SLC1A2: variants seen among roughly 807,000 people sequenced by gnomAD.
SLC1A2 encodes excitatory amino acid transporter 2.
In SLC1A2, 15 loss-of-function variants were observed where a neutral mutation model predicts 48.8. The ratio of observed to expected loss-of-function variants is 0.31; its 90% CI spans 0.21 to 0.47. SLC1A2 has a LOEUF of 0.47. Among genes scored for constraint, SLC1A2 ranks in the 20% least tolerant of loss-of-function variants. The pLI is 0.99. For synonymous variants in SLC1A2, 279 were observed against 272.6 expected, an observed-to-expected ratio of 1.02 and a Z score of -0.23; for missense variants, 502 against 730.5, an observed-to-expected ratio of 0.69 and a Z score of 3.61.
In SLC1A2 at chr11:35,329,668, T is replaced by A. The variant is rs145638299; in HGVS notation, c.18-12152A>T. On this transcript the variant is annotated intron_variant, in intron 1 of 10. Coordinates refer to ENST00000278379, the MANE Select transcript of SLC1A2 (RefSeq NM_004171.4). The stretch of plus-strand genomic sequence containing the variant: ...TTTTGCAAAAGCACCCAGATGACAC[T>A]GTTGCAGCTAATCCACATACCAATG... Among the ~76,000 whole-genome samples, 13 of 152,328 alleles carry A rather than the reference T, an allele frequency of 8.5e-5. No individual in the cohort carries two copies. In the East Asian group the frequency reaches 2.5e-3, roughly 29 times the overall value.
intron 1 of SLC1A2, among the ~76,000 whole-genome samples, chr11:35,415,194 C>G (rs528878288): frequency 1.3e-5 from 2 of 152,118 alleles, no homozygotes; most frequent in Non-Finnish European, 2.9e-5. Context: ...AAAGCCAAAG[C>G]CAAAGGAGAC....
intron 8 of SLC1A2, among the ~76,000 whole-genome samples, chr11:35,284,087 T>TTTTATATATATATATATATATATATATA (rs1554993896): frequency 2.0e-4 from 23 of 115,852 alleles, no homozygotes; most frequent in Non-Finnish European, 1.9e-4. Context: ...GAAGATTTTA[T>TTTTATATATATATATATATATATATATA]TATATATATA....
chr11:35,409,365 C>T (rs577854941), intron 1 of SLC1A2, among the ~76,000 whole-genome samples: 1 of 152,314 alleles, frequency 6.6e-6, no homozygotes, highest in African/African-American at 2.4e-5. Context: ...AAAATGGCTG[C>T]TGTCAACACT....
intron 10 of SLC1A2, among the ~76,000 whole-genome samples, chr11:35,261,271 A>G (rs1435894163): frequency 1.3e-5 from 2 of 152,202 alleles, no homozygotes; most frequent in African/African-American, 4.8e-5. Flanking sequence ...ATCACACAAT[A>G]ACACAGTCCT....
intron 1 of SLC1A2, among the ~76,000 whole-genome samples, chr11:35,339,754 T>C (rs536305254): frequency 6.6e-6 from 1 of 152,276 alleles, no homozygotes; most frequent in South Asian, 2.1e-4. Flanking sequence ...TAATTGTATA[T>C]ATAGAGATTA....
At chr11:35,406,202 C>A (rs1244040033) in intron 1 of SLC1A2, among the ~76,000 whole-genome samples, 1 of 152,156 alleles carries the variant, frequency 6.6e-6, no homozygotes, top group African/African-American at 2.4e-5. Context: ...TTCTGAGAAG[C>A]CTTCCCTCCT....
intron 6 of SLC1A2, among the ~76,000 whole-genome samples, chr11:35,295,118 G>T (rs781017564): frequency 1.6e-4 from 24 of 152,114 alleles, no homozygotes; most frequent in Admixed American, 3.3e-4. Flanking sequence ...CACCATCATT[G>T]CTTGCTGTAA....
intron 1 of SLC1A2, among the ~76,000 whole-genome samples, chr11:35,407,716 T>C (rs1328742832): frequency 1.2e-4 from 18 of 152,142 alleles, no homozygotes; most frequent in Admixed American, 1.2e-3. Flanking sequence ...GACCTCTCCA[T>C]AGCATGCAGC....
intron 8 of SLC1A2, chr11:35,281,715 C>T (rs1173044930): frequency 1.3e-5 from 2 of 152,090 alleles, no homozygotes; most frequent in Non-Finnish European, 2.9e-5. Flanking sequence ...TGAAGTTTGT[C>T]TCTGGGAGAG....
At chr11:35,363,957 A>G (rs1480242548) in intron 1 of SLC1A2, among the ~76,000 whole-genome samples, 5 of 152,110 alleles carry the variant, frequency 3.3e-5, no homozygotes, top group African/African-American at 7.2e-5. Context: ...CAAAGACAAG[A>G]GCTTAGCAGG....
intron 1 of SLC1A2, among the ~76,000 whole-genome samples, chr11:35,380,134 C>T (rs1854375614): frequency 1.3e-5 from 2 of 152,130 alleles, no homozygotes; most frequent in African/African-American, 4.8e-5. Context: ...TTTGAAAAAC[C>T]CAAGAGCTCA....
chr11:35,360,542 C>T (rs548052918), intron 1 of SLC1A2, among the ~76,000 whole-genome samples: 2 of 152,302 alleles, frequency 1.3e-5, no homozygotes, highest in African/African-American at 2.4e-5. Context: ...AACCCTGACC[C>T]AGTAAAGTCA....
intron 1 of SLC1A2, among the ~76,000 whole-genome samples, chr11:35,339,610 G>C (rs879663337): frequency 2.0e-5 from 3 of 152,174 alleles, no homozygotes; most frequent in Non-Finnish European, 4.4e-5. Flanking sequence ...CACATCAAAT[G>C]AGAGAATGGA....
chr11:35,286,799 A>G lies in SLC1A2; in HGVS notation c.1244T>C (p.Met415Thr). The change falls in exon 8 of 11, where the codon ATG becomes ACG. Residue 415 changes from methionine (M) to threonine (T), a missense_variant. Met to Thr is a moderately conservative substitution (Grantham distance 81, BLOSUM62 -1). This residue lies in a region of SLC1A2 where 309 missense variants were observed against 480.3 expected (regional missense o/e 0.64). Transcript: ENST00000278379. ...EAVAAIFIAQ[M>T]NGVVLDGGQI... ...TCCTCCATCCAGGACAACACCATTC[A>G]TTTGGGCTATAAAGATGGCGGCTAC... 1.9e-6 allele frequency: 3 copies of G among 1,613,714 alleles called. No homozygotes were observed. The highest frequency in any genetic ancestry group is 2.5e-6 in the Non-Finnish European group (3 of 1,179,760).
intron 10 of SLC1A2, among the ~76,000 whole-genome samples, chr11:35,264,467 C>T (rs1176829115): frequency 6.6e-6 from 1 of 152,214 alleles, no homozygotes; most frequent in Admixed American, 6.5e-5. Flanking sequence ...AGAGTTGATT[C>T]TGCTCACCTG....
rs1850612620 is a variant in SLC1A2 at position 35,280,942 on chromosome 11, G to A, written c.1346C>T (p.Thr449Ile). Residue 449 changes from threonine to isoleucine, a missense_variant, in exon 9 of 11, where the codon ACC becomes ATC. Physicochemically the swap from Thr to Ile is moderately conservative, Grantham distance 89 (BLOSUM62 -1). Transcript: ENST00000278379. ...AASIPSAGLVTMLLILTAVGL... is the reference protein window; with the variant it reads ...AASIPSAGLVIMLLILTAVGL... ...CACGGCTGTCAGAATGAGGAGCATG[G>A]TGACCAGCCCGGCACTGGGGATACT... is the stretch of plus-strand genomic sequence containing the variant. The A allele has an allele frequency of 1.2e-6, 2 of 1,613,132 alleles. No individual in the cohort carries two copies.
intron 1 of SLC1A2, among the ~76,000 whole-genome samples, chr11:35,328,447 A>T (rs1238014838): frequency 1.3e-5 from 2 of 152,174 alleles, no homozygotes; most frequent in Non-Finnish European, 2.9e-5. Flanking sequence ...TTGATTTCTC[A>T]CAATAACCTC....
intron 1 of SLC1A2, chr11:35,322,482 AGAACAC>A: frequency 1.2e-6 from 1 of 830,542 alleles, no homozygotes; most frequent in Non-Finnish European, 1.9e-6. Context: ...AGGTGGCAAC[AGAACAC>A]TCCCCAGGGA....
intron 1 of SLC1A2, among the ~76,000 whole-genome samples, chr11:35,330,260 G>A (rs1026037888): frequency 6.6e-6 from 1 of 152,168 alleles, no homozygotes; most frequent in Admixed American, 6.6e-5. Flanking sequence ...CAACCTTCCA[G>A]GTAAGGGCTG....
Sources: gnomAD v4.1 joint callset for allele counts (sites outside exome capture counted in the v4.1 genomes callset) on GRCh38, gnomAD v4.1.1 for gene constraint, gnomAD v4.1.1 regional missense constraint, MANE v1.5 for transcripts, NCBI Gene and HGNC (gene_info 2026-07-23, HGNC 2026-07-21) for gene names.